The following TMEM132B variants were observed in gnomAD, a reference collection of about 807,000 sequenced individuals.
TMEM132B encodes transmembrane protein 132B.
Under a neutral mutation model 90.8 loss-of-function variants are expected in TMEM132B, and 18 were observed. The ratio of observed to expected loss-of-function variants is 0.20; its 90% confidence interval spans 0.14 to 0.29. TMEM132B has a LOEUF of 0.29. TMEM132B is among the 10% of genes least tolerant of loss of function. TMEM132B has a pLI of 1.00. For synonymous variants in TMEM132B, 504 were observed against 523.3 expected (o/e 0.96, Z 0.50); for missense variants, 1,096 against 1,326.8 (o/e 0.83, Z 2.70).
chr12:125,544,588 G>A (rs771648480), intron 4 of TMEM132B, among the ~76,000 whole-genome samples: 10 of 152,150 alleles, frequency 6.6e-5, no homozygotes, highest in Non-Finnish European at 1.0e-4. Flanking sequence ...TGGGTAAAGA[G>A]TAGACCTCAA....
chr12:125,421,144 A>T (rs1676314), intron 3 of TMEM132B, among the ~76,000 whole-genome samples: 1 of 152,144 alleles, frequency 6.6e-6, no homozygotes, highest in East Asian at 1.9e-4. Context: ...CTTCTAAGTC[A>T]TCCAAACTGT....
chr12:125,437,145 C>T (rs1438062979), intron 3 of TMEM132B, among the ~76,000 whole-genome samples: 1 of 152,138 alleles, frequency 6.6e-6, no homozygotes, highest in South Asian at 2.1e-4. Flanking sequence ...ACCATCCACT[C>T]AGGAGGGGCT....
intron 2 of TMEM132B, among the ~76,000 whole-genome samples, chr12:125,395,101 G>T (rs987661418): frequency 6.6e-6 from 1 of 152,226 alleles, no homozygotes; most frequent in African/African-American, 2.4e-5. Context: ...ATATGTGCAT[G>T]TGTGTGCCTG....
chr12:125,414,712 G>A lies in TMEM132B; in HGVS notation c.960-819G>A, dbSNP rs569588393. ...ACATAGTAAGCAGTGGGCACCCCAC[G>A]GCCTGCCTTCATCCTGGTGACCCTC... On this transcript the variant is annotated intron_variant, in intron 2 of 8. Coordinates refer to ENST00000682704, the MANE Select transcript of TMEM132B (RefSeq NM_001366854.1). Among the ~76,000 whole-genome samples, 123 of 152,280 alleles carry A rather than the reference G, an allele frequency of 8.1e-4. 1 individual carries two copies. Among genetic ancestry groups the A allele is most frequent in the African/African-American group, 2.8e-3 (117 of 41,548 alleles).
chr12:125,207,297 C>G (rs1413025342), intron 1 of TMEM132B, among the ~76,000 whole-genome samples: 1 of 152,232 alleles, frequency 6.6e-6, no homozygotes, highest in East Asian at 1.9e-4. Flanking sequence ...CCCCAGTTCA[C>G]TCCACTGGCA....
chr12:125,515,255 CACAT>C (rs1055577139), intron 3 of TMEM132B, among the ~76,000 whole-genome samples: 10 of 148,376 alleles, frequency 6.7e-5, no homozygotes, highest in African/African-American at 2.2e-4. Flanking sequence ...CTCACACACA[CACAT>C]TCATACATTC....
chr12:125,273,170 ATCTC>A (rs986677370), intron 1 of TMEM132B, among the ~76,000 whole-genome samples: 4 of 152,314 alleles, frequency 2.6e-5, no homozygotes, highest in African/African-American at 7.2e-5. Context: ...ATCTCTATTT[ATCTC>A]TCTCTATATA....
chr12:125,606,402 GTATGTGTGAA>G (rs970697612), intron 5 of TMEM132B, among the ~76,000 whole-genome samples: 20 of 150,058 alleles, frequency 1.3e-4, no homozygotes, highest in African/African-American at 4.7e-4. Context: ...AGGTATGAAT[GTATGTGTGAA>G]TATGTGTGCA....
chr12:125,642,335 A>G (rs12367352), intron 5 of TMEM132B, among the ~76,000 whole-genome samples: 4,492 of 152,338 alleles, frequency 0.029, 92 homozygotes, highest in Non-Finnish European at 0.049. Context: ...ACTGCCTCAA[A>G]CATGCTCTAA....
chr12:125,451,291 G>A (rs1178006054), intron 3 of TMEM132B, among the ~76,000 whole-genome samples: 1 of 152,170 alleles, frequency 6.6e-6, no homozygotes, highest in Non-Finnish European at 1.5e-5. Flanking sequence ...GCACACCGAA[G>A]TATTTAGGGG....
Position 125,304,212 on chromosome 12 carries a change from C to T in TMEM132B, c.68-45240C>T, listed in dbSNP as rs559637327. Among the ~76,000 whole-genome samples, 6 of 152,320 alleles carry T rather than the reference C, an allele frequency of 3.9e-5. No individual in the cohort carries two copies. The East Asian group carries it at 5.8e-4, about 15-fold the overall frequency. On this transcript the variant is annotated intron_variant, in intron 1 of 8. Coordinates refer to ENST00000682704, the MANE Select transcript of TMEM132B (RefSeq NM_001366854.1). ...GGCGGAGCTCAGGTGGTAACGTGAG[C>T]GATGGGGAGCGGCGGTAAACACAGA...
chr12:125,280,359 C>T (rs766197013), intron 1 of TMEM132B, among the ~76,000 whole-genome samples: 2 of 152,116 alleles, frequency 1.3e-5, no homozygotes, highest in Non-Finnish European at 2.9e-5. Context: ...TATTATGTGA[C>T]AATTAAAAAA....
At chr12:125,412,065 C>A (rs1015643532) in intron 2 of TMEM132B, among the ~76,000 whole-genome samples, 2 of 152,148 alleles carry the variant, frequency 1.3e-5, no homozygotes, top group Non-Finnish European at 2.9e-5. Flanking sequence ...GACTGTCTCC[C>A]CGCACTGGAC....
In TMEM132B at chr12:125,659,599, T is replaced by C. The variant is rs572569604; in HGVS notation, c.*4889T>C. On this transcript the variant is annotated 3_prime_UTR_variant, in exon 9 of 9. Coordinates refer to ENST00000682704, the MANE Select transcript of TMEM132B (RefSeq NM_001366854.1). ...CCAAGTGCCTAGAGGGGCTAGAGGC[T>C]CTCTGTTGGTGTGTGTGTATTTCTT... 1 of 152,388 alleles carries C rather than the reference T, an allele frequency of 6.6e-6. No individual in the cohort carries two copies. The highest frequency in any genetic ancestry group is 2.1e-4 in the South Asian group (1 of 4,828). The allele number at this position is 152,388 out of a possible 1,614,324, so 9.4% of individuals were successfully genotyped here.
chr12:125,534,342 C>T (rs1883736005), intron 4 of TMEM132B, among the ~76,000 whole-genome samples: 1 of 152,142 alleles, frequency 6.6e-6, no homozygotes, highest in Non-Finnish European at 1.5e-5. Flanking sequence ...CATAGTGAGA[C>T]TCCTATCTCT....
intron 1 of TMEM132B, among the ~76,000 whole-genome samples, chr12:125,302,307 G>A (rs1030484994): frequency 7.2e-5 from 11 of 151,880 alleles, no homozygotes; most frequent in Admixed American, 6.6e-5. Context: ...GGAGGCTGTA[G>A]TGAGCTGAGA....
At chr12:125,622,115 A>G (rs1886127193) in intron 5 of TMEM132B, among the ~76,000 whole-genome samples, 1 of 152,126 alleles carries the variant, frequency 6.6e-6, no homozygotes, top group Non-Finnish European at 1.5e-5. Flanking sequence ...TGTCATTCAC[A>G]GCAGACCCAC....
rs750802524 is a variant in TMEM132B, at chr12:125,406,455, A to G, written c.960-9076A>G. ...CTACTGTGAAATGGGTACCGGGGAA[A>G]GGTGAGCCACAGTCTCAGTCTGTGG... On this transcript the variant is annotated intron_variant, in intron 2 of 8. Transcript: ENST00000682704. This position sits in a 1 kb window ranked among gnomAD's most constrained non-coding sequence, Gnocchi z 8.3. Among the ~76,000 whole-genome samples the G allele has an allele frequency of 1.3e-5, 2 of 152,176 alleles. No homozygotes were observed. Among genetic ancestry groups the G allele is most frequent in the African/African-American group, 4.8e-5 (2 of 41,440 alleles).
Position 125,415,089 on chromosome 12 carries a change from A to G in TMEM132B, c.960-442A>G, listed in dbSNP as rs1879971252. Among the ~76,000 whole-genome samples, 1 of 152,144 alleles carries G rather than the reference A, an allele frequency of 6.6e-6. No homozygotes were observed. Among genetic ancestry groups the G allele is most frequent in the South Asian group, 2.1e-4 (1 of 4,814 alleles). Reference sequence around the variant, plus strand: ...TCCTGCTCCCAGAGTGCCCAGTGCAATGGCCTCCTCTTCCATCCCCTGGGC... The same window carrying G: ...TCCTGCTCCCAGAGTGCCCAGTGCAGTGGCCTCCTCTTCCATCCCCTGGGC... On this transcript the variant is annotated intron_variant, in intron 2 of 8. Transcript: ENST00000682704. This position sits in a 1 kb window ranked among gnomAD's most constrained non-coding sequence, Gnocchi z 5.3.
Sources: allele counts gnomAD v4.1 joint callset (sites outside exome capture counted in the v4.1 genomes callset), GRCh38; gene constraint gnomAD v4.1.1; non-coding constraint Gnocchi (gnomAD v3.1); transcripts MANE v1.5; gene names NCBI Gene and HGNC (gene_info 2026-07-23, HGNC 2026-07-21).